SLCO4C1: variants seen among roughly 807,000 people sequenced by gnomAD.
SLCO4C1 encodes the protein solute carrier organic anion transporter family member 4C1.
In SLCO4C1, 58 loss-of-function variants were observed where a neutral mutation model predicts 72.1. The observed-to-expected ratio is 0.80, with a 90% confidence interval of 0.65 to 1.00. The LOEUF is 1.00. Ranked by LOEUF, SLCO4C1 falls within the 50% of genes least tolerant of loss-of-function variation. The pLI is 0.00. For missense variants in SLCO4C1, 898 were observed against 857.9 expected (o/e 1.05, Z -0.58); for synonymous variants, 297 against 312.5 (o/e 0.95, Z 0.52).
At chr5:102,237,564 A>G (rs571322386) in intron 12 of SLCO4C1, among the ~76,000 whole-genome samples, 2 of 152,270 alleles carry the variant, frequency 1.3e-5, no homozygotes, top group South Asian at 4.1e-4. Context: ...GTGAGCTGAG[A>G]TCACACCACT....
At chr5:102,270,978 C>A (rs567560279) in intron 2 of SLCO4C1, among the ~76,000 whole-genome samples, 172 bp from the exon 3 acceptor site, 5 of 152,042 alleles carry the variant, frequency 3.3e-5, no homozygotes, top group Non-Finnish European at 5.9e-5. Flanking sequence ...CTTTCTTACC[C>A]CAGCCTGCCC....
At position 102,249,757 on chromosome 5, in the gene SLCO4C1, A is replaced by C; in HGVS notation, c.1501T>G (p.Cys501Gly). Residue 501 changes from cysteine to glycine, a missense_variant, in exon 9 of 13, where the codon TGT (cysteine) becomes GGT (glycine). Physicochemically the swap from Cys to Gly is radical, Grantham distance 159. Transcript: ENST00000310954. ...CGCGAACAGTTACAATTGGCATTACAAGGGGCTATCAAGTTTCCCAATTCT... is the reference window on the plus strand; with the variant it reads ...CGCGAACAGTTACAATTGGCATTACCAGGGGCTATCAAGTTTCCCAATTCT... The part of the protein sequence containing the change: ...TGELGNLIAP[C>G]NANCNCSRSY... 6.2e-7 allele frequency: 1 copy of C among 1,613,954 alleles called. No individual in the cohort carries two copies. Among genetic ancestry groups the C allele is most frequent in the Non-Finnish European group, 8.5e-7 (1 of 1,179,910 alleles).
At chr5:102,245,192 GT>G (rs1748614738) in intron 10 of SLCO4C1, among the ~76,000 whole-genome samples, 1 of 148,308 alleles carries the variant, frequency 6.7e-6, no homozygotes, top group Non-Finnish European at 1.5e-5. Flanking sequence ...TTACTTGTTT[GT>G]TTTATCAATA....
At chr5:102,275,994 G>T (rs1749239924) in intron 2 of SLCO4C1, among the ~76,000 whole-genome samples, 1 of 152,048 alleles carries the variant, frequency 6.6e-6, no homozygotes, top group Admixed American at 6.5e-5. Context: ...GGTTACAGTG[G>T]CACACAGCCA....
chr5:102,240,694 A>G, intron 11 of SLCO4C1, 24 bp downstream of exon 11: 1 of 1,594,306 alleles, frequency 6.3e-7, no homozygotes, highest in Non-Finnish European at 8.6e-7. Context: ...AACAGTTAGC[A>G]ATGAATAAAG....
chr5:102,257,882 C>T (rs1748867110), intron 7 of SLCO4C1, 61 bp downstream of exon 7: 3 of 1,440,046 alleles, frequency 2.1e-6, no homozygotes, highest in African/African-American at 1.5e-5. Context: ...ATACACTATC[C>T]TCATAAAAAT....
At chr5:102,254,046 A>C (rs1748790894) in intron 8 of SLCO4C1, among the ~76,000 whole-genome samples, 1 of 152,126 alleles carries the variant, frequency 6.6e-6, no homozygotes. Flanking sequence ...AACCTAATTC[A>C]TTAATTCATG....
chr5:102,247,070 TAAATCTCCTACATCTGGGGTTCTACAGA>T (rs369443956), intron 10 of SLCO4C1, among the ~76,000 whole-genome samples, 154 bp downstream of exon 10: 10 of 152,172 alleles, frequency 6.6e-5, no homozygotes, highest in African/African-American at 2.4e-4. Flanking sequence ...GCATATCATT[TAAATCTCCTACATCTGGGGTTCTACAGA>T]GGAGCTTGTC....
intron 2 of SLCO4C1, among the ~76,000 whole-genome samples, chr5:102,287,020 G>A (rs191588511): frequency 2.0e-5 from 3 of 152,070 alleles, no homozygotes; most frequent in Admixed American, 2.0e-4. Flanking sequence ...AAGCACAGAA[G>A]GGTATGTTAA....
chr5:102,284,419 T>C (rs1749411300), intron 2 of SLCO4C1, among the ~76,000 whole-genome samples: 1 of 152,138 alleles, frequency 6.6e-6, no homozygotes, highest in African/African-American at 2.4e-5. Context: ...TTCACATAGT[T>C]AAACCTAAAG....
At position 102,270,708 on chromosome 5, in the gene SLCO4C1, C is replaced by T. The variant is rs779178082; in HGVS notation, c.718G>A (p.Gly240Arg). 6.2e-7 allele frequency: 1 copy of T among 1,613,032 alleles called. No homozygotes were observed. Among genetic ancestry groups the T allele is most frequent in the South Asian group, 1.1e-5 (1 of 91,008 alleles). ...GTATAAAGAGGAGTTCCTCCTGCCC[C>T]CAGCAATAGTTGTCCCAAGATGAAG... ...YVFILGQLLL[G>R]AGGTPLYTLG... is the part of the protein sequence containing the mutation. The change falls in exon 3 of 13, where the codon GGG becomes AGG. Residue 240 changes from glycine to arginine, a missense_variant. By Grantham distance (125) the Gly-to-Arg change is moderately radical. Coordinates refer to ENST00000310954, the MANE Select transcript of SLCO4C1 (RefSeq NM_180991.5).
chr5:102,260,945 C>T (rs1748930593), intron 5 of SLCO4C1, among the ~76,000 whole-genome samples: 2 of 152,052 alleles, frequency 1.3e-5, no homozygotes, highest in African/African-American at 4.8e-5. Context: ...TGCCCATTTC[C>T]AAAAGTTAAT....
At chr5:102,252,366 A>C (rs1292218758) in intron 8 of SLCO4C1, among the ~76,000 whole-genome samples, 2 of 152,172 alleles carry the variant, frequency 1.3e-5, no homozygotes, top group Non-Finnish European at 2.9e-5. Flanking sequence ...GTCTGAAGGA[A>C]AGAGTGATCA....
chr5:102,237,543 T>A (rs1748461003), intron 12 of SLCO4C1, among the ~76,000 whole-genome samples: 1 of 151,960 alleles, frequency 6.6e-6, no homozygotes, highest in African/African-American at 2.4e-5. Context: ...CCCCTAGAGG[T>A]GGAGGTTGCA....
chr5:102,261,864 G>A (rs760985194), intron 5 of SLCO4C1, 48 bp downstream of exon 5: 1 of 1,547,398 alleles, frequency 6.5e-7, no homozygotes, highest in Non-Finnish European at 8.7e-7. Context: ...ATAGCAACTG[G>A]CCTACAATTA....
chr5:102,246,617 A>G (rs540482951), intron 10 of SLCO4C1, among the ~76,000 whole-genome samples: 1 of 152,286 alleles, frequency 6.6e-6, no homozygotes, highest in African/African-American at 2.4e-5. Context: ...AGCTTAAAAT[A>G]AAAATTAAAT....
chr5:102,280,090 CAAAAAAAAAAAAA>C (rs36217271), intron 2 of SLCO4C1, among the ~76,000 whole-genome samples: 27 of 68,846 alleles, frequency 3.9e-4, no homozygotes, highest in East Asian at 3.1e-3. Flanking sequence ...TGCAATAAGG[CAAAAAAAAAAAAA>C]AAAAAAAAAA....
chr5:102,296,116 A>G lies in SLCO4C1; in HGVS notation c.147T>C (p.Leu49=). ...PQRENSQPQE[L]QKPQEPQKSP... Reference sequence around the variant, plus strand: ...ACTTCTGGGGCTCCTGGGGCTTCTGAAGCTCCTGTGGCTGAGAATTCTCTC... The same window carrying G: ...ACTTCTGGGGCTCCTGGGGCTTCTGGAGCTCCTGTGGCTGAGAATTCTCTC... The change falls in exon 1 of 13, where the codon CTT becomes CTC. Residue 49 remains leucine (L), a synonymous_variant. Coordinates refer to ENST00000310954, the MANE Select transcript of SLCO4C1 (RefSeq NM_180991.5). 6 of 1,614,106 alleles carry G rather than the reference A, an allele frequency of 3.7e-6. No homozygotes were observed. Among genetic ancestry groups the G allele is most frequent in the Non-Finnish European group, 5.1e-6 (6 of 1,179,966 alleles).
At chr5:102,283,830 C>T (rs937277381) in intron 2 of SLCO4C1, among the ~76,000 whole-genome samples, 6 of 152,028 alleles carry the variant, frequency 3.9e-5, no homozygotes, top group African/African-American at 1.2e-4. Flanking sequence ...TTGGGATTCT[C>T]TGTCCACATT....
Sources: gnomAD v4.1 joint callset for allele counts (sites outside exome capture counted in the v4.1 genomes callset) on GRCh38, gnomAD v4.1.1 for gene constraint, MANE v1.5 for transcripts, NCBI Gene and HGNC (gene_info 2026-07-23, HGNC 2026-07-21) for gene names.